PTPRN2: variants seen among roughly 807,000 people sequenced by gnomAD.
PTPRN2 encodes the protein protein tyrosine phosphatase receptor type N2, also known as receptor-type tyrosine-protein phosphatase N2.
In PTPRN2, 74 loss-of-function variants were observed where a neutral mutation model predicts 118.8. That is an observed-to-expected ratio of 0.62 (90% CI 0.52 to 0.76). The LOEUF (loss-of-function observed/expected upper bound fraction) is 0.76. Ranked by LOEUF, PTPRN2 falls within the 30% of genes least tolerant of loss-of-function variation. The pLI is 0.00. For synonymous variants in PTPRN2, 641 were observed against 608.0 expected, an observed-to-expected ratio of 1.05 and a Z score of -0.80; for missense variants, 1,481 against 1,394.4, an observed-to-expected ratio of 1.06 and a Z score of -0.99.
chr7:158,407,114 T>C lies in PTPRN2; in HGVS notation c.163+82621A>G, dbSNP rs531966866. On this transcript the variant is annotated intron_variant, in intron 2 of 22. Transcript: ENST00000389418. The stretch of plus-strand genomic sequence containing the variant: ...TGCAGACAAGCCCAGCCCTGGGTCC[T>C]GCGTCCTGGGTCCTGGGTCCTGCGT... Among the ~76,000 whole-genome samples, 776 of 149,922 alleles carry C rather than the reference T, an allele frequency of 5.2e-3. 5 individuals carry two copies. The highest frequency in any genetic ancestry group is 0.012 in the East Asian group (61 of 4,908).
chr7:158,158,340 T>C (rs1822025400), intron 6 of PTPRN2, among the ~76,000 whole-genome samples: 1 of 152,182 alleles, frequency 6.6e-6, no homozygotes, highest in Non-Finnish European at 1.5e-5. Context: ...CCCTTCTCTG[T>C]GAGGGTTTTC....
At chr7:158,365,350 C>T (rs112261078) in intron 2 of PTPRN2, among the ~76,000 whole-genome samples, 2 of 152,268 alleles carry the variant, frequency 1.3e-5, no homozygotes, top group South Asian at 2.1e-4. Context: ...TCACAACCAA[C>T]GAGGGTGTGA....
At chr7:157,580,412 CACCTGCACAGCCGAGT>C (rs1434571615) in intron 17 of PTPRN2, among the ~76,000 whole-genome samples, 2 of 151,964 alleles carry the variant, frequency 1.3e-5, no homozygotes, top group African/African-American at 2.4e-5. Context: ...CCCCCATGGC[CACCTGCACAGCCGAGT>C]ACCTGCACAC....
intron 3 of PTPRN2, among the ~76,000 whole-genome samples, chr7:158,279,546 AC>A (rs545699131): frequency 7.4e-4 from 112 of 152,250 alleles, no homozygotes; most frequent in African/African-American, 2.5e-3. Flanking sequence ...ATGGCCAACG[AC>A]CCAGGGAAGA....
chr7:157,796,417 CGGG>C (rs1454834250), intron 12 of PTPRN2, among the ~76,000 whole-genome samples: 1 of 152,198 alleles, frequency 6.6e-6, no homozygotes, highest in Non-Finnish European at 1.5e-5. Flanking sequence ...GCTGCCCCTG[CGGG>C]GTAAACTGGC....
intron 12 of PTPRN2, among the ~76,000 whole-genome samples, chr7:157,855,530 G>A (rs1423323411): frequency 6.6e-6 from 1 of 152,194 alleles, no homozygotes; most frequent in Non-Finnish European, 1.5e-5. Flanking sequence ...GTGGTTTGGG[G>A]ATTCACTTGA....
chr7:157,977,465 C>G lies in PTPRN2; in HGVS notation c.1724-78728G>C, dbSNP rs1585123459. Among the ~76,000 whole-genome samples, 1 of 152,032 alleles carries G rather than the reference C, an allele frequency of 6.6e-6. No individual in the cohort carries two copies. The highest frequency in any genetic ancestry group is 1.9e-4 in the East Asian group (1 of 5,164). Reference sequence around the variant, plus strand: ...CTGATGCCTGAATGCCAAGAGCCACCTGGGCAAATGTGGGATTGTGCCTGG... The same window carrying G: ...CTGATGCCTGAATGCCAAGAGCCACGTGGGCAAATGTGGGATTGTGCCTGG... On this transcript the variant is annotated intron_variant, in intron 11 of 22. Coordinates refer to ENST00000389418, the MANE Select transcript of PTPRN2 (RefSeq NM_002847.5). The surrounding 1 kb of genome is among the most constrained non-coding windows in gnomAD (Gnocchi z 4.6).
chr7:157,917,127 G>A (rs1383826365), intron 11 of PTPRN2, among the ~76,000 whole-genome samples: 1 of 151,652 alleles, frequency 6.6e-6, no homozygotes, highest in Non-Finnish European at 1.5e-5. Context: ...CTCCCTGGCT[G>A]AAGGTCCCCA....
chr7:157,957,543 TTTTA>T (rs1801262326), intron 11 of PTPRN2, among the ~76,000 whole-genome samples: 1 of 152,000 alleles, frequency 6.6e-6, no homozygotes, highest in African/African-American at 2.4e-5. Context: ...ATTGTATTCT[TTTTA>T]TTTATCTATT....
At chr7:158,569,668 A>ACTGACAGGAACGCGGGGAGCGAGGCCGC (rs1827870379) in intron 1 of PTPRN2, among the ~76,000 whole-genome samples, 1 of 112,846 alleles carries the variant, frequency 8.9e-6, no homozygotes, top group Non-Finnish European at 1.9e-5. Flanking sequence ...AGGCCGCCTA[A>ACTGACAGGAACGCGGGGAGCGAGGCCGC]CTGACAGGAA....
At chr7:158,545,579 G>A (rs2129449819) in intron 1 of PTPRN2, among the ~76,000 whole-genome samples, 1 of 152,328 alleles carries the variant, frequency 6.6e-6, no homozygotes, top group South Asian at 2.1e-4. Context: ...CCCGCTCCGT[G>A]TGGCTGATGA....
At chr7:157,902,247 T>C (rs1797503403) in intron 11 of PTPRN2, among the ~76,000 whole-genome samples, 1 of 152,204 alleles carries the variant, frequency 6.6e-6, no homozygotes, top group South Asian at 2.1e-4. Context: ...CTGCGGCCAA[T>C]AGTGACTCAG....
At chr7:157,703,669 G>A (rs1389642505) in intron 12 of PTPRN2, among the ~76,000 whole-genome samples, 1 of 152,150 alleles carries the variant, frequency 6.6e-6, no homozygotes, top group African/African-American at 2.4e-5. Flanking sequence ...GGAGGTGAAA[G>A]GCAAGTTCCC....
chr7:158,067,588 G>C (rs1043739732), intron 11 of PTPRN2, among the ~76,000 whole-genome samples: 1 of 152,182 alleles, frequency 6.6e-6, no homozygotes, highest in Admixed American at 6.5e-5. Flanking sequence ...CTTGAGAAAA[G>C]GTTTCTGTAA....
At chr7:158,295,574 G>A (rs113772372) in intron 3 of PTPRN2, among the ~76,000 whole-genome samples, 3 of 135,994 alleles carry the variant, frequency 2.2e-5, no homozygotes, top group African/African-American at 8.5e-5. Flanking sequence ...CGCTGACCCT[G>A]CCTGTCTGCC....
At chr7:157,580,746 ACC>A (rs1800321426) in intron 17 of PTPRN2, among the ~76,000 whole-genome samples, 1 of 124,380 alleles carries the variant, frequency 8.0e-6, no homozygotes, top group African/African-American at 3.2e-5. Flanking sequence ...GCACCTGCAC[ACC>A]CCAGCACCTG....
intron 2 of PTPRN2, among the ~76,000 whole-genome samples, chr7:158,441,370 G>GTGGTGATGGTGATAGTGATGGTGA (rs1817161342): frequency 2.7e-5 from 4 of 147,562 alleles, no homozygotes; most frequent in South Asian, 4.4e-4. Context: ...GATGGCAGTG[G>GTGGTGATGGTGATAGTGATGGTGA]TGGCAGTGGT....
Position 157,591,066 on chromosome 7 carries a change from T to A in PTPRN2, c.2496+4172A>T, listed in dbSNP as rs1355065814. ...TAAGGTGAGGTCACACAGGCTAGGA[T>A]GAGCTCTCAGTCCAATGACTGACAT... On this transcript the variant is annotated intron_variant, in intron 17 of 22. Transcript: ENST00000389418. The surrounding 1 kb of genome is among the most constrained non-coding windows in gnomAD (Gnocchi z 4.4). Among the ~76,000 whole-genome samples, 1 of 152,136 alleles carries A rather than the reference T, an allele frequency of 6.6e-6. No homozygotes were observed. Among genetic ancestry groups the A allele is most frequent in the Admixed American group, 6.5e-5 (1 of 15,278 alleles).
chr7:157,621,735 T>C (rs1329924683), intron 14 of PTPRN2, among the ~76,000 whole-genome samples: 7 of 152,106 alleles, frequency 4.6e-5, no homozygotes, highest in Non-Finnish European at 1.0e-4. Context: ...CATATGTAAA[T>C]ATAAACTCCG....
Sources: gnomAD v4.1 joint callset for allele counts (sites outside exome capture counted in the v4.1 genomes callset) on GRCh38, gnomAD v4.1.1 for gene constraint, Gnocchi (gnomAD v3.1) non-coding constraint, MANE v1.5 for transcripts, NCBI Gene and HGNC (gene_info 2026-07-23, HGNC 2026-07-21) for gene names.